The following CPEB2 variants were observed in gnomAD, a reference collection of about 807,000 sequenced individuals.
CPEB2 encodes cytoplasmic polyadenylation element-binding protein 2.
In CPEB2, 56 loss-of-function variants were observed where a neutral mutation model predicts 93.6. The ratio of observed to expected loss-of-function variants is 0.60; its 90% CI spans 0.48 to 0.75. CPEB2 has a LOEUF of 0.75. Ranked by LOEUF, CPEB2 falls within the 30% of genes least tolerant of loss-of-function variation. CPEB2 has a pLI of 0.00. For synonymous variants in CPEB2, 764 were observed against 586.3 expected, an observed-to-expected ratio of 1.30 and a Z score of -4.38; for missense variants, 1,579 against 1,395.1, an observed-to-expected ratio of 1.13 and a Z score of -2.10.
At chr4:15,065,786 C>T (rs767545271) in intron 11 of CPEB2, among the ~76,000 whole-genome samples, 44 of 151,994 alleles carry the variant, frequency 2.9e-4, no homozygotes, top group Non-Finnish European at 5.1e-4. Flanking sequence ...AGTGGCTGTT[C>T]GGGTTCTGCC....
At chr4:15,054,288 CT>C in intron 8 of CPEB2, 71 bp downstream of exon 8, 1 of 1,031,034 alleles carries the variant, frequency 9.7e-7, no homozygotes, top group Non-Finnish European at 1.5e-6. Flanking sequence ...ATAGCAATTA[CT>C]TAGCCAGTTA....
chr4:15,018,400 G>T lies in CPEB2; in HGVS notation c.2125+1122G>T, dbSNP rs1560222976. Among the ~76,000 whole-genome samples the T allele has an allele frequency of 1.3e-5, 2 of 151,408 alleles. 1 individual carries two copies. Among genetic ancestry groups the T allele is most frequent in the East Asian group, 3.9e-4 (2 of 5,192 alleles). Reference sequence around the variant, plus strand: ...CTTGAGAAGCTGAGGGGATATTAGTGATTGTTGATTATGTGTGCTAATAGT... The same window carrying T: ...CTTGAGAAGCTGAGGGGATATTAGTTATTGTTGATTATGTGTGCTAATAGT... On this transcript the variant is annotated intron_variant, in intron 4 of 11. Transcript: ENST00000538197.
intron 11 of CPEB2, among the ~76,000 whole-genome samples, chr4:15,062,475 G>A (rs1404795513): frequency 6.6e-6 from 1 of 151,976 alleles, no homozygotes; most frequent in East Asian, 1.9e-4. Context: ...TCATTGTGCA[G>A]CCATGTCAAA....
chr4:15,052,121 T>G (rs540806631), intron 6 of CPEB2, among the ~76,000 whole-genome samples: 1 of 152,214 alleles, frequency 6.6e-6, no homozygotes, highest in East Asian at 1.9e-4. Context: ...CCACATACAT[T>G]AGGTTCTTGC....
At position 15,002,865 on chromosome 4, in the gene CPEB2, C is replaced by A. The variant is rs541761015; in HGVS notation, c.192C>A (p.Pro64=). 6.5e-7 allele frequency: 1 copy of A among 1,531,944 alleles called. No homozygotes were observed. Among genetic ancestry groups the A allele is most frequent in the Admixed American group, 2.0e-5 (1 of 50,128 alleles). 94.9% of individuals were successfully genotyped at this position (1,531,944 alleles called of 1,614,324 possible). A position where few individuals can be genotyped will look rare whatever the true frequency, so the allele number is the denominator to read the frequency against. ...CCGGCTTCTTAGAGGCCGCCTCCCCCTTCTCCGTCCCCCTCGGCGGCGGCG... is the reference window on the plus strand; with the variant it reads ...CCGGCTTCTTAGAGGCCGCCTCCCCATTCTCCGTCCCCCTCGGCGGCGGCG... ...PVTGFLEAAS[P]FSVPLGGGAG... Residue 64 remains proline (P), a synonymous_variant, in exon 1 of 12, where the codon CCC becomes CCA. Coordinates refer to ENST00000538197, the MANE Select transcript of CPEB2 (RefSeq NM_001177382.2).
At chr4:15,012,961 A>G (rs1449537316) in intron 3 of CPEB2, among the ~76,000 whole-genome samples, 1 of 152,064 alleles carries the variant, frequency 6.6e-6, no homozygotes, top group Non-Finnish European at 1.5e-5. Flanking sequence ...TATCTCTTCA[A>G]AAAGTTCTCT....
intron 11 of CPEB2, among the ~76,000 whole-genome samples, chr4:15,065,100 A>C (rs78660686): frequency 6.6e-6 from 1 of 152,256 alleles, no homozygotes; most frequent in Non-Finnish European, 1.5e-5. Flanking sequence ...TATCAAATGA[A>C]CATCCTACAG....
At chr4:15,062,009 A>T in intron 10 of CPEB2, 70 bp from the exon 11 acceptor site, 3 of 1,380,520 alleles carry the variant, frequency 2.2e-6, no homozygotes, top group Non-Finnish European at 3.0e-6. Flanking sequence ...TACGTTTTAC[A>T]AAAAGTACTT....
intron 3 of CPEB2, among the ~76,000 whole-genome samples, chr4:15,011,167 C>T (rs1723430033): frequency 7.0e-6 from 1 of 142,038 alleles, no homozygotes; most frequent in Non-Finnish European, 1.5e-5. Flanking sequence ...GTGGCACGAT[C>T]TCGTCTCACT....
chr4:15,058,616 TAAAA>T, intron 9 of CPEB2, 77 bp downstream of exon 9: 1 of 811,906 alleles, frequency 1.2e-6, no homozygotes, highest in Non-Finnish European at 2.1e-6. Flanking sequence ...TGTTAATTAA[TAAAA>T]GAACAATTAA....
intron 6 of CPEB2, among the ~76,000 whole-genome samples, chr4:15,044,637 C>T (rs998891752): frequency 2.0e-5 from 3 of 152,268 alleles, no homozygotes; most frequent in South Asian, 4.1e-4. Flanking sequence ...GTGCCTTTCT[C>T]AGTTATTTGC....
At chr4:15,059,353 A>C (rs1431123766) in intron 10 of CPEB2, 52 bp downstream of exon 10, 2 of 1,171,982 alleles carry the variant, frequency 1.7e-6, no homozygotes, top group African/African-American at 3.0e-5. Context: ...AATATGTCCT[A>C]GTCAATTTAA....
At chr4:15,061,968 C>G in intron 10 of CPEB2, 111 bp from the exon 11 acceptor site, 2 of 1,023,440 alleles carry the variant, frequency 2.0e-6, no homozygotes, top group Non-Finnish European at 2.8e-6. Context: ...CCATTCTACT[C>G]CTGGTCAAAT....
At position 15,066,948 on chromosome 4, in the gene CPEB2, A is replaced by G. The variant is rs1298826878; in HGVS notation, c.*568A>G. 6.5e-6 allele frequency: 1 copy of G among 153,696 alleles called. No homozygotes were observed. The highest frequency in any genetic ancestry group is 1.5e-5 in the Non-Finnish European group (1 of 68,858). 9.5% of individuals were successfully genotyped at this position (153,696 alleles called of 1,614,324 possible). On this transcript the variant is annotated 3_prime_UTR_variant, in exon 12 of 12. Coordinates refer to ENST00000538197, the MANE Select transcript of CPEB2 (RefSeq NM_001177382.2). ...AATCTGATTTATTAGCTATTTTTAA[A>G]CATTTTTAATCACAAGCTGTATTAG...
chr4:15,004,484 G>T, intron 1 of CPEB2, 149 bp downstream of exon 1: 1 of 579,888 alleles, frequency 1.7e-6, no homozygotes, highest in Non-Finnish European at 2.8e-6. Flanking sequence ...GGAACTGAGG[G>T]CGGACAACCG....
At position 15,059,369 on chromosome 4, in the gene CPEB2, G is replaced by T. The variant is rs180925245; in HGVS notation, c.2695+68G>T. ...ATATGTCCTAGTCAATTTAATAAAC[G>T]TTTGGAAGCTATTGTGTACATGACA... On this transcript the variant is annotated intron_variant, in intron 10 of 11. Transcript: ENST00000538197. The T allele has an allele frequency of 2.3e-3, 2,347 of 1,036,114 alleles. 26 individuals carry two copies. The highest frequency in any genetic ancestry group is 0.011 in the East Asian group (451 of 41,386). The allele number at this position is 1,036,114 out of a possible 1,614,324, so 64.2% of individuals were successfully genotyped here.
chr4:15,035,569 G>A (rs1346569361), intron 5 of CPEB2, among the ~76,000 whole-genome samples: 1 of 152,110 alleles, frequency 6.6e-6, no homozygotes, highest in Admixed American at 6.5e-5. Flanking sequence ...GTCTATGTTG[G>A]AGAATATAAA....
chr4:15,024,357 A>C (rs1045530028), intron 4 of CPEB2, among the ~76,000 whole-genome samples: 4 of 152,146 alleles, frequency 2.6e-5, no homozygotes, highest in African/African-American at 9.6e-5. Flanking sequence ...TATGTATTAA[A>C]ACATAATGTT....
intron 3 of CPEB2, among the ~76,000 whole-genome samples, chr4:15,011,350 C>T (rs1008985958): frequency 6.6e-6 from 1 of 152,088 alleles, no homozygotes; most frequent in African/African-American, 2.4e-5. Flanking sequence ...ATCCGCCCGC[C>T]TCGGCCTCCA....
Sources: allele counts gnomAD v4.1 joint callset (sites outside exome capture counted in the v4.1 genomes callset), GRCh38; gene constraint gnomAD v4.1.1; transcripts MANE v1.5; gene names NCBI Gene and HGNC (gene_info 2026-07-23, HGNC 2026-07-21).